The following CTTN variants were observed in gnomAD, a reference collection of about 807,000 sequenced individuals.
The protein encoded by CTTN is cortactin.
Under a neutral mutation model 84.0 loss-of-function variants are expected in CTTN, and 28 were observed. The ratio of observed to expected loss-of-function variants is 0.33; its 90% CI spans 0.25 to 0.46. The LOEUF (loss-of-function observed/expected upper bound fraction) is 0.46, where lower values mean the gene tolerates loss of function less well. Ranked by LOEUF, CTTN falls within the 20% of genes least tolerant of loss-of-function variation. CTTN has a pLI of 1.00. For missense variants in CTTN, 641 were observed against 723.8 expected, an observed-to-expected ratio of 0.89 and a Z score of 1.31; for synonymous variants, 301 against 288.8, an observed-to-expected ratio of 1.04 and a Z score of -0.43.
intron 13 of CTTN, among the ~76,000 whole-genome samples, chr11:70,427,837 T>C (rs1278899792): frequency 1.3e-5 from 2 of 152,278 alleles, no homozygotes; most frequent in Non-Finnish European, 2.9e-5. Flanking sequence ...GAAATCAGCA[T>C]GTTCATGTGG....
Position 70,436,127 on chromosome 11 carries a change from G to C in CTTN, c.*965G>C, listed in dbSNP as rs1005084464. On this transcript the variant is annotated 3_prime_UTR_variant, in exon 18 of 18. Transcript: ENST00000301843. ...GAACCCTCCTCCTGTCAATGGGGGT[G>C]TAGTATTTTTGCCAAAATATCATGT... 7.0e-7 allele frequency: 1 copy of C among 1,435,874 alleles called. No individual in the cohort carries two copies. Among genetic ancestry groups the C allele is most frequent in the East Asian group, 2.5e-5 (1 of 39,610 alleles). The allele number at this position is 1,435,874 out of a possible 1,614,324, so 88.9% of individuals were successfully genotyped here.
intron 12 of CTTN, among the ~76,000 whole-genome samples, chr11:70,424,099 C>T (rs2058274351): frequency 6.6e-6 from 1 of 152,042 alleles, no homozygotes; most frequent in South Asian, 2.1e-4. Context: ...CGAGAGAGAG[C>T]TGGGGTAGGG....
chr11:70,433,332 A>T, intron 16 of CTTN, 54 bp downstream of exon 16: 1 of 1,515,458 alleles, frequency 6.6e-7, no homozygotes, highest in East Asian at 2.3e-5. Context: ...CTCCCGGGAC[A>T]TCCTGCTCGA....
In CTTN at chr11:70,435,087, C is replaced by T. The variant is rs150302883; in HGVS notation, c.1578C>T (p.Asp526=). 99 of 1,613,868 alleles carry T rather than the reference C, an allele frequency of 6.1e-5. 1 individual carries two copies. The African/African-American group carries it at 7.7e-4, about 13-fold the overall frequency. Residue 526 remains aspartate (D), a synonymous_variant, in exon 18 of 18, where the codon GAC becomes GAT. Transcript: ENST00000301843. The stretch of plus-strand genomic sequence containing the variant: ...TCATCACCAACATCGAGATGATTGA[C>T]GACGGCTGGTGGCGCGGGGTGTGCA... ...DDIITNIEMI[D]DGWWRGVCKG... is the part of the protein sequence containing the mutation.
chr11:70,421,288 C>T (rs2058233725), intron 10 of CTTN, among the ~76,000 whole-genome samples, 182 bp from the exon 11 acceptor site: 2 of 152,222 alleles, frequency 1.3e-5, no homozygotes, highest in South Asian at 2.1e-4. Flanking sequence ...CATTCTTTAA[C>T]GTTGACCTCT....
chr11:70,424,391 G>T (rs531428963), intron 12 of CTTN, among the ~76,000 whole-genome samples: 5 of 152,124 alleles, frequency 3.3e-5, no homozygotes, highest in Admixed American at 3.3e-4. Flanking sequence ...GTGGCCTTTC[G>T]TGTCATTGTC....
Position 70,422,597 on chromosome 11 carries a change from G to A in CTTN, c.902-343G>A, listed in dbSNP as rs1302919033. On this transcript the variant is annotated intron_variant, in intron 11 of 17. Coordinates refer to ENST00000301843, the MANE Select transcript of CTTN (RefSeq NM_005231.4). ...GATGAGAATAAGCCCGTGCTGGTGCGGAAGACTGTGCTATTGAAGTGGCGC... is the reference window on the plus strand; with the variant it reads ...GATGAGAATAAGCCCGTGCTGGTGCAGAAGACTGTGCTATTGAAGTGGCGC... 1.1e-5 allele frequency: 14 copies of A among 1,321,036 alleles called. No homozygotes were observed. In the East Asian group the frequency reaches 2.4e-4, roughly 23 times the overall value. The allele number at this position is 1,321,036 out of a possible 1,614,324, so 81.8% of individuals were successfully genotyped here.
In CTTN at chr11:70,436,503, G is replaced by A. The variant is rs1323630341; in HGVS notation, c.*1341G>A. On this transcript the variant is annotated 3_prime_UTR_variant, in exon 18 of 18. Transcript: ENST00000301843. ...GTTTTATATGCAACTTATTGTATCT[G>A]AATTCCTGTAGCACACCTCATAGGT... 6 of 1,058,760 alleles carry A rather than the reference G, an allele frequency of 5.7e-6. No homozygotes were observed. The highest frequency in any genetic ancestry group is 8.4e-6 in the Non-Finnish European group (6 of 714,874). 65.6% of individuals were successfully genotyped at this position (1,058,760 alleles called of 1,614,324 possible).
At chr11:70,402,124 A>G (rs1329021072) in intron 1 of CTTN, among the ~76,000 whole-genome samples, 1 of 152,140 alleles carries the variant, frequency 6.6e-6, no homozygotes, top group Non-Finnish European at 1.5e-5. Context: ...TTGCACTCCA[A>G]CCTAGGCAAC....
At chr11:70,420,718 C>T (rs1367484428) in intron 10 of CTTN, among the ~76,000 whole-genome samples, 1 of 152,208 alleles carries the variant, frequency 6.6e-6, no homozygotes, top group Non-Finnish European at 1.5e-5. Flanking sequence ...GGGTGGTACC[C>T]CAGAGAGCTG....
rs1205166452 is a variant in CTTN at position 70,415,843 on chromosome 11, G to GT, written c.457+129dup. ...GGGAGAGTCACAGCCACCTGAAGCCGTTTCCTGAGCGGTGGCTGTTGCCAC... is the reference window on the plus strand; with the variant it reads ...GGGAGAGTCACAGCCACCTGAAGCCGTTTTCCTGAGCGGTGGCTGTTGCCAC... On this transcript the variant is annotated intron_variant, in intron 7 of 17. Transcript: ENST00000301843. 72 of 875,238 alleles carry GT rather than the reference G, an allele frequency of 8.2e-5. No individual in the cohort carries two copies. In the East Asian group the frequency reaches 1.7e-3, roughly 21 times the overall value. The allele number at this position is 875,238 out of a possible 1,614,324, so 54.2% of individuals were successfully genotyped here. A position where few individuals can be genotyped will look rare whatever the true frequency, so the allele number is the denominator to read the frequency against.
At chr11:70,414,923 C>T (rs962829643) in intron 6 of CTTN, among the ~76,000 whole-genome samples, 3 of 152,172 alleles carry the variant, frequency 2.0e-5, no homozygotes, top group African/African-American at 4.8e-5. Flanking sequence ...CCCAATGTGC[C>T]AGCAGGGACC....
intron 12 of CTTN, 97 bp downstream of exon 12, chr11:70,423,092 G>T (rs2058259534): frequency 1.4e-6 from 2 of 1,424,276 alleles, no homozygotes. Context: ...CGCTGGGGTG[G>T]GGCACAAGTG....
intron 13 of CTTN, among the ~76,000 whole-genome samples, 178 bp from the exon 14 acceptor site, chr11:70,428,873 T>C (rs12803975): frequency 0.2 from 30,235 of 152,204 alleles, 3,446 homozygotes; most frequent in Admixed American, 0.26. Flanking sequence ...CTGCGGCAGG[T>C]GCCCAGTGCT....
chr11:70,423,976 G>A (rs1297582185), intron 12 of CTTN, among the ~76,000 whole-genome samples: 5 of 152,194 alleles, frequency 3.3e-5, no homozygotes, highest in Admixed American at 3.3e-4. Flanking sequence ...GAGAAGCAGG[G>A]CATGGTGTTT....
intron 17 of CTTN, among the ~76,000 whole-genome samples, chr11:70,434,786 C>T (rs1199410049): frequency 6.6e-6 from 1 of 152,148 alleles, no homozygotes; most frequent in Non-Finnish European, 1.5e-5. Context: ...GGAAGGGGTC[C>T]GGGTGGGGTT....
At chr11:70,418,175 T>C (rs2058185511) in intron 8 of CTTN, among the ~76,000 whole-genome samples, 1 of 151,830 alleles carries the variant, frequency 6.6e-6, no homozygotes, top group South Asian at 2.1e-4. Context: ...GATCCGACCA[T>C]GCTGGCTTGG....
chr11:70,432,421 G>A (rs749625418), intron 15 of CTTN, among the ~76,000 whole-genome samples: 12 of 152,208 alleles, frequency 7.9e-5, no homozygotes, highest in South Asian at 2.1e-4. Flanking sequence ...CTGGGTGCGC[G>A]GTTCTGAGCT....
In CTTN at chr11:70,435,374, G is replaced by A. The variant is rs2058405904; in HGVS notation, c.*212G>A. ...ATGCCACAGAATTTGCTAATATATT[G>A]TAATCACATTCCTTAGGAGGACTTT... On this transcript the variant is annotated 3_prime_UTR_variant, in exon 18 of 18. Transcript: ENST00000301843. 8 of 1,394,092 alleles carry A rather than the reference G, an allele frequency of 5.7e-6. No homozygotes were observed. In the Admixed American group the frequency reaches 1.5e-4, roughly 27 times the overall value. 86.4% of individuals were successfully genotyped at this position (1,394,092 alleles called of 1,614,324 possible).
Sources: allele counts gnomAD v4.1 joint callset (sites outside exome capture counted in the v4.1 genomes callset), GRCh38; gene constraint gnomAD v4.1.1; transcripts MANE v1.5; gene names NCBI Gene and HGNC (gene_info 2026-07-23, HGNC 2026-07-21).